The following ITIH5 variants were observed in gnomAD, a reference collection of about 807,000 sequenced individuals.
The protein encoded by ITIH5 is inter-alpha-trypsin inhibitor heavy chain 5, also known as inter-alpha-trypsin inhibitor heavy chain H5.
Under a neutral mutation model 77.5 loss-of-function variants are expected in ITIH5, and 65 were observed. The observed-to-expected ratio is 0.84, with a 90% CI of 0.69 to 1.03. ITIH5 has a LOEUF of 1.03. ITIH5 is among the 50% of genes least tolerant of loss of function. ITIH5 has a pLI of 0.00. For missense variants in ITIH5, 1,208 were observed against 1,213.1 expected (o/e 1.00, Z 0.06); for synonymous variants, 525 against 494.3 (o/e 1.06, Z -0.82).
At position 7,655,141 on chromosome 10, in the gene ITIH5, G is replaced by A. The variant is rs943512350; in HGVS notation, c.135+490C>T. On this transcript the variant is annotated intron_variant, in intron 2 of 13. Transcript: ENST00000397146. ...ATTTTGATATTTCACTCCATGCACA[G>A]TGGTAAGGAAGAACTGAGGTAGTTT... Among the ~76,000 whole-genome samples the A allele has an allele frequency of 1.1e-4, 16 of 152,290 alleles. No individual in the cohort carries two copies. In the East Asian group the frequency reaches 2.7e-3, roughly 26 times the overall value.
chr10:7,635,267 T>C (rs1833780835), intron 5 of ITIH5, among the ~76,000 whole-genome samples: 1 of 152,174 alleles, frequency 6.6e-6, no homozygotes, highest in Non-Finnish European at 1.5e-5. Context: ...TGAAAACTAG[T>C]AATAATTTTT....
chr10:7,632,869 A>T (rs1833734596), intron 5 of ITIH5, among the ~76,000 whole-genome samples: 1 of 152,176 alleles, frequency 6.6e-6, no homozygotes, highest in Non-Finnish European at 1.5e-5. Context: ...ACCCCTAGTC[A>T]TTGGGGATCT....
At chr10:7,644,598 A>G (rs989150762) in intron 2 of ITIH5, among the ~76,000 whole-genome samples, 4 of 125,196 alleles carry the variant, frequency 3.2e-5, no homozygotes, top group Non-Finnish European at 4.9e-5. Flanking sequence ...TATATATCAT[A>G]CATATCACAT....
At chr10:7,623,252 A>C (rs1043554255) in intron 5 of ITIH5, among the ~76,000 whole-genome samples, 1 of 152,160 alleles carries the variant, frequency 6.6e-6, no homozygotes, top group Non-Finnish European at 1.5e-5. Context: ...GCATTGACAA[A>C]AGGATTTCCC....
intron 7 of ITIH5, among the ~76,000 whole-genome samples, chr10:7,603,438 G>A (rs1833055629): frequency 6.6e-6 from 1 of 152,132 alleles, no homozygotes; most frequent in African/African-American, 2.4e-5. Flanking sequence ...GGGTTCTTTG[G>A]GGGATGATGA....
chr10:7,607,929 TCTG>T (rs950643171), intron 7 of ITIH5, among the ~76,000 whole-genome samples: 1 of 152,202 alleles, frequency 6.6e-6, no homozygotes, highest in Non-Finnish European at 1.5e-5. Flanking sequence ...GCTAGACTCT[TCTG>T]ATATTTCCTT....
chr10:7,569,921 T>C (rs1832264064), intron 11 of ITIH5, 137 bp from the exon 12 acceptor site: 1 of 552,978 alleles, frequency 1.8e-6, no homozygotes, highest in Admixed American at 3.6e-5. Context: ...GTGTCCTCAA[T>C]TTCCAGATGA....
At chr10:7,662,657 C>T (rs1435954044) in intron 1 of ITIH5, among the ~76,000 whole-genome samples, 1 of 152,222 alleles carries the variant, frequency 6.6e-6, no homozygotes, top group Admixed American at 6.5e-5. Flanking sequence ...CAGCTCATCA[C>T]CCAGTTCTCA....
intron 10 of ITIH5, among the ~76,000 whole-genome samples, chr10:7,576,203 C>CTTTT (rs1832410281): frequency 6.6e-6 from 1 of 151,604 alleles, no homozygotes; most frequent in African/African-American, 2.4e-5. Context: ...ATTTTTTTTT[C>CTTTT]TTTTGTAGAG....
chr10:7,625,956 G>A (rs1456673680), intron 5 of ITIH5, among the ~76,000 whole-genome samples: 2 of 152,190 alleles, frequency 1.3e-5, no homozygotes, highest in Non-Finnish European at 2.9e-5. Context: ...AGAAACATGT[G>A]AGAGTTCACG....
At chr10:7,572,771 C>CTTTG (rs1832327282) in intron 11 of ITIH5, 1 of 88,070 alleles carries the variant, frequency 1.1e-5, no homozygotes, top group Admixed American at 1.7e-4. Flanking sequence ...TGGTTTTACA[C>CTTTG]TTTTTTTTTT....
intron 8 of ITIH5, 63 bp downstream of exon 8, chr10:7,585,838 A>C (rs1193773344): frequency 6.2e-6 from 9 of 1,448,612 alleles, no homozygotes; most frequent in African/African-American, 4.5e-5. Flanking sequence ...AAAAAAAAAA[A>C]AACCAAAAAA....
intron 8 of ITIH5, among the ~76,000 whole-genome samples, chr10:7,582,623 G>A (rs1832588890): frequency 6.6e-6 from 1 of 151,898 alleles, no homozygotes; most frequent in Non-Finnish European, 1.5e-5. Flanking sequence ...CCACATTTGT[G>A]GTACATATAT....
chr10:7,613,139 G>A (rs1390479508), intron 7 of ITIH5, among the ~76,000 whole-genome samples: 7 of 152,016 alleles, frequency 4.6e-5, no homozygotes, highest in Admixed American at 4.6e-4. Context: ...CAGCTACTTG[G>A]GGGAACTGAG....
At position 7,559,294 on chromosome 10, in the gene ITIH5, T is replaced by C. The variant is rs946339546; in HGVS notation, c.*3789A>G. On this transcript the variant is annotated 3_prime_UTR_variant, in exon 14 of 14. Transcript: ENST00000397146. The stretch of plus-strand genomic sequence containing the variant: ...GTGCAGTTAGATTCTTCAAGTTTTA[T>C]TCTCAACAGCTCCAATTCCATTTTC... The C allele has an allele frequency of 6.6e-6, 1 of 152,336 alleles. No individual in the cohort carries two copies. The highest frequency in any genetic ancestry group is 1.5e-5 in the Non-Finnish European group (1 of 68,124). 9.4% of individuals were successfully genotyped at this position (152,336 alleles called of 1,614,324 possible).
At chr10:7,619,016 T>C (rs1047679921) in intron 5 of ITIH5, 1 of 152,164 alleles carries the variant, frequency 6.6e-6, no homozygotes, top group Admixed American at 6.5e-5. Flanking sequence ...GGGAGACAGT[T>C]ACATAAGAGA....
intron 7 of ITIH5, among the ~76,000 whole-genome samples, chr10:7,587,809 G>C (rs965145257): frequency 6.6e-6 from 1 of 152,128 alleles, no homozygotes; most frequent in African/African-American, 2.4e-5. Flanking sequence ...AGTGGCTCTG[G>C]GACACCCTTG....
At chr10:7,664,931 C>T (rs1834337868) in intron 1 of ITIH5, among the ~76,000 whole-genome samples, 1 of 152,162 alleles carries the variant, frequency 6.6e-6, no homozygotes, top group African/African-American at 2.4e-5. Context: ...GGCTCACAAA[C>T]GTTAAGTAAC....
chr10:7,585,362 GC>G (rs938498021), intron 8 of ITIH5, among the ~76,000 whole-genome samples: 1 of 152,000 alleles, frequency 6.6e-6, no homozygotes, highest in African/African-American at 2.4e-5. Context: ...CCTTACCTGG[GC>G]AACACCCAAG....
Sources: gnomAD v4.1 joint callset for allele counts (sites outside exome capture counted in the v4.1 genomes callset) on GRCh38, gnomAD v4.1.1 for gene constraint, MANE v1.5 for transcripts, NCBI Gene and HGNC (gene_info 2026-07-23, HGNC 2026-07-21) for gene names.